The following PARVG variants were observed in gnomAD, a reference collection of about 807,000 sequenced individuals.
PARVG encodes gamma-parvin.
Under a neutral mutation model 44.4 loss-of-function variants are expected in PARVG, and 36 were observed. That is an observed-to-expected ratio of 0.81 (90% CI 0.62 to 1.07). PARVG has a LOEUF of 1.07. Among genes scored for constraint, PARVG ranks in the 50% least tolerant of loss-of-function variants. The pLI is 0.00. For synonymous variants in PARVG, 170 were observed against 174.1 expected, an observed-to-expected ratio of 0.98 and a Z score of 0.19; for missense variants, 407 against 407.4, an observed-to-expected ratio of 1.00 and a Z score of 0.01.
chr22:44,177,051 C>T (rs773377498), upstream of PARVG, among the ~76,000 whole-genome samples: 10 of 152,132 alleles, frequency 6.6e-5, no homozygotes, highest in Non-Finnish European at 1.2e-4. Context: ...AGCTACAATT[C>T]AAGATGAGAT....
chr22:44,186,149 G>C (rs538528419), intron 4 of PARVG: 7 of 327,546 alleles, frequency 2.1e-5, no homozygotes, highest in South Asian at 1.9e-4. Context: ...TTACATCCCG[G>C]GGACAGGACA....
chr22:44,183,224 C>G, intron 2 of PARVG, 94 bp from the exon 3 acceptor site: 1 of 1,197,246 alleles, frequency 8.4e-7, no homozygotes, highest in Non-Finnish European at 1.2e-6. Flanking sequence ...GGCTTCTACC[C>G]TCCTTCTGTG....
intron 12 of PARVG, among the ~76,000 whole-genome samples, chr22:44,205,169 G>T (rs528685256): frequency 6.6e-6 from 1 of 152,196 alleles, no homozygotes; most frequent in East Asian, 1.9e-4. Context: ...ACCTGGGTGG[G>T]GACCGCTCCA....
intron 7 of PARVG, among the ~76,000 whole-genome samples, 190 bp downstream of exon 7, chr22:44,190,856 G>A (rs1327403545): frequency 6.6e-6 from 1 of 152,224 alleles, no homozygotes; most frequent in Non-Finnish European, 1.5e-5. Context: ...GCTGGTAAGG[G>A]TCTAGTGGGG....
rs1017395499 is a variant in PARVG at position 44,192,480 on chromosome 22, C to T, written c.560+376C>T. On this transcript the variant is annotated intron_variant, in intron 8 of 13. Coordinates refer to ENST00000444313, the MANE Select transcript of PARVG (RefSeq NM_022141.7). Reference sequence around the variant, plus strand: ...TGGCCAGGGGCTGGCCGTCTTGCTGCCTGCCCACTTTAGGGTGTGACTGTC... The same window carrying T: ...TGGCCAGGGGCTGGCCGTCTTGCTGTCTGCCCACTTTAGGGTGTGACTGTC... Among the ~76,000 whole-genome samples the T allele has an allele frequency of 2.6e-5, 4 of 152,316 alleles. No individual in the cohort carries two copies. In the East Asian group the frequency reaches 5.8e-4, roughly 22 times the overall value.
intron 12 of PARVG, among the ~76,000 whole-genome samples, chr22:44,199,907 A>G (rs1397081326): frequency 6.6e-6 from 1 of 152,110 alleles, no homozygotes; most frequent in Non-Finnish European, 1.5e-5. Flanking sequence ...TGGACCCTAG[A>G]GGCTGGTGGA....
At chr22:44,200,312 A>G (rs1397559025) in intron 12 of PARVG, among the ~76,000 whole-genome samples, 1 of 152,172 alleles carries the variant, frequency 6.6e-6, no homozygotes, top group Non-Finnish European at 1.5e-5. Flanking sequence ...AAGAGGCCTG[A>G]GTCTTGTGCT....
upstream of PARVG, among the ~76,000 whole-genome samples, chr22:44,177,351 T>C (rs1030772090): frequency 6.6e-6 from 1 of 152,232 alleles, no homozygotes; most frequent in African/African-American, 2.4e-5. Flanking sequence ...GTATGTGTCA[T>C]AATCAGGAAA....
At chr22:44,205,279 T>G (rs2054764847) in intron 12 of PARVG, among the ~76,000 whole-genome samples, 1 of 152,208 alleles carries the variant, frequency 6.6e-6, no homozygotes, top group Non-Finnish European at 1.5e-5. Flanking sequence ...CTCTGAGCCT[T>G]GATTTCCTCA....
chr22:44,200,285 C>T lies in PARVG; in HGVS notation c.813+1563C>T, dbSNP rs75193412. On this transcript the variant is annotated intron_variant, in intron 12 of 13. Transcript: ENST00000444313. ...GGTCCACGGGCAGCCAAGGCTTACCCCGGGTCACTGCCAGGCAAGAGGCCT... is the reference window on the plus strand; with the variant it reads ...GGTCCACGGGCAGCCAAGGCTTACCTCGGGTCACTGCCAGGCAAGAGGCCT... Among the ~76,000 whole-genome samples the T allele has an allele frequency of 2.9e-3, 439 of 152,320 alleles. 1 individual carries two copies. Among genetic ancestry groups the T allele is most frequent in the African/African-American group, 0.01 (425 of 41,570 alleles).
chr22:44,190,733 C>CA, intron 7 of PARVG, 67 bp downstream of exon 7: 1 of 1,356,650 alleles, frequency 7.4e-7, no homozygotes, highest in Non-Finnish European at 1.1e-6. Flanking sequence ...TTGCCGTACC[C>CA]TGCATGGGTG....
upstream of PARVG, among the ~76,000 whole-genome samples, chr22:44,177,538 T>G (rs763780999): frequency 6.6e-6 from 1 of 152,186 alleles, no homozygotes; most frequent in Non-Finnish European, 1.5e-5. Flanking sequence ...TTATGTTTCA[T>G]AGCCTTGATT....
intron 9 of PARVG, among the ~76,000 whole-genome samples, chr22:44,194,758 T>C (rs1425229608): frequency 6.9e-6 from 1 of 144,042 alleles, no homozygotes; most frequent in Non-Finnish European, 1.5e-5. Context: ...ATGCTTCCAT[T>C]CATCCATCCG....
chr22:44,206,507 C>G lies in PARVG; in HGVS notation c.*81C>G. The G allele has an allele frequency of 7.9e-7, 1 of 1,258,942 alleles. No individual in the cohort carries two copies. The highest frequency in any genetic ancestry group is 1.5e-5 in the African/African-American group (1 of 67,650). The allele number at this position is 1,258,942 out of a possible 1,614,324, so 78.0% of individuals were successfully genotyped here. ...GGCTGCAGGGTGTCCTCCCACAGTC[C>G]CGCTGTTTCCTGTGCATTCGTGACC... On this transcript the variant is annotated 3_prime_UTR_variant, in exon 14 of 14. Coordinates refer to ENST00000444313, the MANE Select transcript of PARVG (RefSeq NM_022141.7).
Position 44,182,999 on chromosome 22 carries a change from A to C in PARVG, c.-12-319A>C, listed in dbSNP as rs2054406068. 3.8e-5 allele frequency: 13 copies of C among 341,604 alleles called. No individual in the cohort carries two copies. The highest frequency in any genetic ancestry group is 2.1e-4 in the South Asian group (6 of 29,050). 21.2% of individuals were successfully genotyped at this position (341,604 alleles called of 1,614,324 possible). ...GGGATAGGGTGGGGGGTCCCTGGGTAGGGGGCTGGGGGCTGCAGGAGCACG... is the reference window on the plus strand; with the variant it reads ...GGGATAGGGTGGGGGGTCCCTGGGTCGGGGGCTGGGGGCTGCAGGAGCACG... On this transcript the variant is annotated intron_variant, in intron 2 of 13. Coordinates refer to ENST00000444313, the MANE Select transcript of PARVG (RefSeq NM_022141.7). The surrounding 1 kb of genome is among the most constrained non-coding windows in gnomAD (Gnocchi z 4.6).
At chr22:44,195,097 G>A (rs1043421372) in intron 9 of PARVG, among the ~76,000 whole-genome samples, 1 of 152,148 alleles carries the variant, frequency 6.6e-6, no homozygotes, top group Non-Finnish European at 1.5e-5. Flanking sequence ...TCTGAGAATG[G>A]GGGCTGAGGA....
chr22:44,196,447 G>C (rs368922071), intron 11 of PARVG, 32 bp downstream of exon 11: 4 of 1,612,418 alleles, frequency 2.5e-6, no homozygotes, highest in Non-Finnish European at 2.5e-6. Context: ...CCCCAGGCAG[G>C]GCAGGGCCAC....
At chr22:44,173,194 G>A in intron 1 of PARVG, 1 of 1,248,928 alleles carries the variant, frequency 8.0e-7, no homozygotes, top group Non-Finnish European at 1.0e-6. Flanking sequence ...AGCTGCAGGT[G>A]AGTAATAAAG....
chr22:44,203,848 T>C (rs1332573691), intron 12 of PARVG, among the ~76,000 whole-genome samples: 1 of 152,196 alleles, frequency 6.6e-6, no homozygotes, highest in African/African-American at 2.4e-5. Context: ...TGCTGCAACA[T>C]TGGTGCCGTG....
Sources: gnomAD v4.1 joint callset for allele counts (sites outside exome capture counted in the v4.1 genomes callset) on GRCh38, gnomAD v4.1.1 for gene constraint, Gnocchi (gnomAD v3.1) non-coding constraint, MANE v1.5 for transcripts, NCBI Gene and HGNC (gene_info 2026-07-23, HGNC 2026-07-21) for gene names.